The following ANTXR1 variants were observed in gnomAD, a reference collection of about 807,000 sequenced individuals.
ANTXR1 encodes anthrax toxin receptor 1.
Under a neutral mutation model 78.1 loss-of-function variants are expected in ANTXR1, and 19 were observed. That is an observed-to-expected ratio of 0.24 (90% CI 0.17 to 0.36). The LOEUF (loss-of-function observed/expected upper bound fraction) is 0.36. Among genes scored for constraint, ANTXR1 ranks in the 10% least tolerant of loss-of-function variants. ANTXR1 has a pLI of 1.00. For missense variants in ANTXR1, 518 were observed against 718.6 expected, an observed-to-expected ratio of 0.72 and a Z score of 3.19; for synonymous variants, 273 against 260.5, an observed-to-expected ratio of 1.05 and a Z score of -0.46.
chr2:69,080,816 G>A (rs2104246801), intron 8 of ANTXR1, among the ~76,000 whole-genome samples: 1 of 152,310 alleles, frequency 6.6e-6, no homozygotes. Context: ...GGAAGGGCAT[G>A]GATAGAATGT....
intron 8 of ANTXR1, among the ~76,000 whole-genome samples, chr2:69,081,866 A>T (rs893102269): frequency 1.3e-5 from 2 of 152,228 alleles, no homozygotes; most frequent in Non-Finnish European, 2.9e-5. Context: ...ATCTCCTTGA[A>T]TCCTCACAGG....
intron 6 of ANTXR1, 99 bp from the exon 7 acceptor site, chr2:69,075,491 C>G (rs901151806): frequency 1.1e-5 from 12 of 1,142,716 alleles, no homozygotes; most frequent in African/African-American, 1.5e-5. Context: ...ATGGTAGGTG[C>G]TCATTAAATA....
chr2:69,160,515 G>T (rs185488306), intron 13 of ANTXR1, among the ~76,000 whole-genome samples: 1 of 152,240 alleles, frequency 6.6e-6, no homozygotes, highest in Non-Finnish European at 1.5e-5. Flanking sequence ...TCCCTTTCAA[G>T]ATTCCCTGGT....
At chr2:69,130,822 C>T (rs538834085) in intron 12 of ANTXR1, among the ~76,000 whole-genome samples, 4 of 152,180 alleles carry the variant, frequency 2.6e-5, no homozygotes, top group East Asian at 3.9e-4. Flanking sequence ...TGAGTCTCTA[C>T]GATAAGACTG....
intron 8 of ANTXR1, among the ~76,000 whole-genome samples, chr2:69,089,391 C>T (rs955461224): frequency 5.9e-5 from 9 of 152,216 alleles, no homozygotes; most frequent in African/African-American, 2.2e-4. Context: ...AATATTACCT[C>T]TTCTGAGAAA....
At chr2:69,103,743 C>T (rs1162549730) in intron 10 of ANTXR1, 1 of 155,864 alleles carries the variant, frequency 6.4e-6, no homozygotes, top group Non-Finnish European at 1.4e-5. Context: ...GCATCCGTCA[C>T]ACAGATAATT....
chr2:69,050,210 A>G (rs1253681988), intron 3 of ANTXR1, among the ~76,000 whole-genome samples: 1 of 152,058 alleles, frequency 6.6e-6, no homozygotes, highest in African/African-American at 2.4e-5. Context: ...AGGTGACAGG[A>G]TCGATTGAGG....
chr2:69,088,691 G>T lies in ANTXR1; in HGVS notation c.643-2168G>T, dbSNP rs190244955. Among the ~76,000 whole-genome samples the T allele has an allele frequency of 3.8e-4, 58 of 152,312 alleles. No individual in the cohort carries two copies. In the South Asian group the frequency reaches 4.3e-3, roughly 11 times the overall value. ...AGGGCTGTCTGGGATGAATCACTGT[G>T]CACCAGGATGCTAGCAAGTCCCAGT... is the stretch of plus-strand genomic sequence containing the variant. On this transcript the variant is annotated intron_variant, in intron 8 of 17. Transcript: ENST00000303714.
Position 69,077,437 on chromosome 2 carries a change from T to C in ANTXR1, c.591T>C (p.His197=). 1 of 1,614,162 alleles carries C rather than the reference T, an allele frequency of 6.2e-7. No homozygotes were observed. The highest frequency in any genetic ancestry group is 2.2e-5 in the East Asian group (1 of 44,888). The part of the protein sequence containing the change: ...QLARIADSKD[H]VFPVNDGFQA... ...CCCGGATTGCGGACAGTAAGGATCA[T>C]GTGTTTCCCGTGAATGACGGCTTTC... Residue 197 remains histidine, a synonymous_variant, in exon 8 of 18, where the codon CAT becomes CAC. Coordinates refer to ENST00000303714, the MANE Select transcript of ANTXR1 (RefSeq NM_032208.3).
At chr2:69,174,707 CAG>C (rs1674075797) in intron 14 of ANTXR1, among the ~76,000 whole-genome samples, 1 of 151,922 alleles carries the variant, frequency 6.6e-6, no homozygotes, top group South Asian at 2.1e-4. Context: ...GGAAGAAAGG[CAG>C]AGATTCCTGG....
chr2:69,151,456 T>C (rs1673393805), intron 12 of ANTXR1, among the ~76,000 whole-genome samples: 1 of 152,060 alleles, frequency 6.6e-6, no homozygotes, highest in African/African-American at 2.4e-5. Flanking sequence ...TGACACCAAG[T>C]GGGGTCTCTG....
chr2:69,053,084 C>T lies in ANTXR1; in HGVS notation c.296+8271C>T, dbSNP rs147682460. On this transcript the variant is annotated intron_variant, in intron 3 of 17. Coordinates refer to ENST00000303714, the MANE Select transcript of ANTXR1 (RefSeq NM_032208.3). ...ATGTGCTCCCTTGTTTTTTATATGA[C>T]TTTATTTCAAAGGGGGATATTTTCT... Among the ~76,000 whole-genome samples, 131 of 152,168 alleles carry T rather than the reference C, an allele frequency of 8.6e-4. No homozygotes were observed. In the East Asian group the frequency reaches 0.019, roughly 22 times the overall value.
At chr2:69,230,087 G>A (rs1017062422) in intron 17 of ANTXR1, among the ~76,000 whole-genome samples, 13 of 151,524 alleles carry the variant, frequency 8.6e-5, no homozygotes, top group African/African-American at 3.1e-4. Context: ...TGAAAGGTTT[G>A]AATTCTCAGA....
chr2:69,150,800 C>T (rs904252398), intron 12 of ANTXR1, among the ~76,000 whole-genome samples: 1 of 152,066 alleles, frequency 6.6e-6, no homozygotes, highest in African/African-American at 2.4e-5. Context: ...AGAAGAATCA[C>T]ATGAGCCCAG....
chr2:69,209,860 C>G (rs1674996591), intron 17 of ANTXR1, among the ~76,000 whole-genome samples: 1 of 152,218 alleles, frequency 6.6e-6, no homozygotes, highest in Admixed American at 6.5e-5. Flanking sequence ...CTGGATGTAA[C>G]ATGGAGGGGA....
intron 17 of ANTXR1, among the ~76,000 whole-genome samples, chr2:69,200,974 G>A (rs925333970): frequency 6.6e-6 from 1 of 152,186 alleles, no homozygotes; most frequent in African/African-American, 2.4e-5. Context: ...AGACTTGAAA[G>A]TCAACACTAG....
intron 1 of ANTXR1, among the ~76,000 whole-genome samples, chr2:69,037,654 G>A (rs1669482177): frequency 6.6e-6 from 1 of 152,050 alleles, no homozygotes; most frequent in African/African-American, 2.4e-5. Flanking sequence ...ATTTTTAGTA[G>A]AGACGGGGTT....
intron 8 of ANTXR1, among the ~76,000 whole-genome samples, chr2:69,084,679 C>T (rs931192878): frequency 9.4e-5 from 14 of 149,380 alleles, no homozygotes; most frequent in African/African-American, 3.4e-4. Context: ...AATTCTCTCA[C>T]CTTCACCTCC....
chr2:69,141,494 G>T (rs957981436), intron 12 of ANTXR1, among the ~76,000 whole-genome samples: 1 of 151,816 alleles, frequency 6.6e-6, no homozygotes. Flanking sequence ...TCCAGTGTGC[G>T]CAAGTCAACA....
Sources: gnomAD v4.1 joint callset for allele counts (sites outside exome capture counted in the v4.1 genomes callset) on GRCh38, gnomAD v4.1.1 for gene constraint, MANE v1.5 for transcripts, NCBI Gene and HGNC (gene_info 2026-07-23, HGNC 2026-07-21) for gene names.